The following CLEC16A variants were observed in gnomAD, a reference collection of about 807,000 sequenced individuals.
The protein encoded by CLEC16A is protein CLEC16A.
CLEC16A carries 51 observed loss-of-function variants against 109.5 expected under a neutral mutation model. The ratio of observed to expected loss-of-function variants is 0.47; its 90% CI spans 0.37 to 0.59. The LOEUF is 0.59. Ranked by LOEUF, CLEC16A falls within the 20% of genes least tolerant of loss-of-function variation. The pLI, the probability that CLEC16A is intolerant of heterozygous loss-of-function variation, is 0.00. For missense variants in CLEC16A, 1,339 were observed against 1,394.0 expected (o/e 0.96, Z 0.63); for synonymous variants, 673 against 564.2 (o/e 1.19, Z -2.73).
At chr16:11,100,571 G>T (rs760813566) in intron 19 of CLEC16A, among the ~76,000 whole-genome samples, 1 of 152,096 alleles carries the variant, frequency 6.6e-6, no homozygotes, top group African/African-American at 2.4e-5. Flanking sequence ...GACTCACTTG[G>T]GCATTTCCTG....
chr16:11,142,707 A>T (rs921824463), intron 22 of CLEC16A, among the ~76,000 whole-genome samples: 3 of 152,192 alleles, frequency 2.0e-5, no homozygotes, highest in African/African-American at 7.2e-5. Context: ...CCCTTCAGTG[A>T]TGTGAGTTTG....
At chr16:11,100,227 GCAA>G (rs1297783442) in intron 19 of CLEC16A, among the ~76,000 whole-genome samples, 21 of 152,208 alleles carry the variant, frequency 1.4e-4, no homozygotes, top group South Asian at 6.2e-4. Flanking sequence ...GGGGGACTCA[GCAA>G]TTTGGAGCCT....
At chr16:11,019,194 C>G (rs528885785) in intron 11 of CLEC16A, among the ~76,000 whole-genome samples, 2 of 152,304 alleles carry the variant, frequency 1.3e-5, no homozygotes, top group East Asian at 3.9e-4. Flanking sequence ...GTTCCAAAGG[C>G]TGACTGTTTG....
intron 22 of CLEC16A, among the ~76,000 whole-genome samples, chr16:11,161,587 T>C (rs940752089): frequency 4.6e-5 from 7 of 152,288 alleles, no homozygotes; most frequent in South Asian, 2.1e-4. Context: ...TCGAAAGATA[T>C]CTGGGGGTTC....
intron 19 of CLEC16A, among the ~76,000 whole-genome samples, chr16:11,096,137 GT>G (rs1274475262): frequency 6.6e-6 from 1 of 151,870 alleles, no homozygotes; most frequent in Non-Finnish European, 1.5e-5. Flanking sequence ...GAGCCCAGGA[GT>G]TGGAGACCAG....
At chr16:11,135,768 A>C (rs1389772288) in intron 22 of CLEC16A, among the ~76,000 whole-genome samples, 2 of 152,234 alleles carry the variant, frequency 1.3e-5, no homozygotes, top group Non-Finnish European at 2.9e-5. Context: ...GTGGGCCCGC[A>C]GCAGGGCAGC....
chr16:11,001,915 C>T (rs2044692690), intron 10 of CLEC16A, among the ~76,000 whole-genome samples: 1 of 152,234 alleles, frequency 6.6e-6, no homozygotes, highest in Admixed American at 6.5e-5. Context: ...AATTTGACAA[C>T]ACCCACTACA....
Position 11,147,988 on chromosome 16 carries a change from C to T in CLEC16A, c.2642-18400C>T, listed in dbSNP as rs562681297. On this transcript the variant is annotated intron_variant, in intron 22 of 23. Transcript: ENST00000409790. ...TTTCTTTTTGACTTTGAGAAAAAAA[C>T]TCTGTTCTTACTGGTAAAATAGCCT... Among the ~76,000 whole-genome samples, 94 of 152,290 alleles carry T rather than the reference C, an allele frequency of 6.2e-4. 1 individual carries two copies. The highest frequency in any genetic ancestry group is 1.0e-3 in the Non-Finnish European group (69 of 68,036).
intron 16 of CLEC16A, among the ~76,000 whole-genome samples, chr16:11,044,795 G>T (rs2047546019): frequency 1.3e-5 from 2 of 151,698 alleles, no homozygotes; most frequent in Admixed American, 1.3e-4. Context: ...GCATGGTGGC[G>T]CATGCGTGTA....
chr16:10,970,194 A>G (rs746301774), intron 4 of CLEC16A, among the ~76,000 whole-genome samples: 9 of 152,186 alleles, frequency 5.9e-5, no homozygotes, highest in Admixed American at 5.2e-4. Flanking sequence ...TCTGCTGACT[A>G]TACAGCTGGC....
At chr16:10,971,419 T>C (rs868458091) in intron 5 of CLEC16A, 189 bp downstream of exon 5, 3 of 485,796 alleles carry the variant, frequency 6.2e-6, no homozygotes, top group South Asian at 1.8e-4. Flanking sequence ...AATCCTTGCC[T>C]TCTCCAGGCA....
At position 11,181,216 on chromosome 16, in the gene CLEC16A, C is replaced by T. The variant is rs2068945980; in HGVS notation, c.*2526C>T. On this transcript the variant is annotated 3_prime_UTR_variant, in exon 24 of 24. Transcript: ENST00000409790. ...GCGGCAGTGGGCACAGCTATGTCTTCAGGAGCTCCCGTCAAACCTCATAGC... is the reference window on the plus strand; with the variant it reads ...GCGGCAGTGGGCACAGCTATGTCTTTAGGAGCTCCCGTCAAACCTCATAGC... 6.6e-6 allele frequency: 1 copy of T among 152,390 alleles called. No individual in the cohort carries two copies. Among genetic ancestry groups the T allele is most frequent in the Non-Finnish European group, 1.5e-5 (1 of 68,158 alleles). The allele number at this position is 152,390 out of a possible 1,614,324, so 9.4% of individuals were successfully genotyped here.
intron 13 of CLEC16A, among the ~76,000 whole-genome samples, chr16:11,030,641 G>T (rs1265794551): frequency 1.3e-5 from 2 of 152,074 alleles, no homozygotes; most frequent in African/African-American, 4.8e-5. Context: ...AGACTTTTGG[G>T]TTTTTTTGTT....
chr16:10,944,746 GC>G lies in CLEC16A; in HGVS notation c.30del (p.Gly12AlafsTer22), dbSNP rs781555237. On this transcript the variant is annotated frameshift_variant, in exon 1 of 24. Coordinates refer to ENST00000409790, the MANE Select transcript of CLEC16A (RefSeq NM_015226.3). LOFTEE classifies it high-confidence loss of function. The stretch of plus-strand genomic sequence containing the variant: ...TTTGGCCGCTCGCGGAGCTGGGTGG[GC>G]GGGGGCCATGGCAAGACTTCCCGCA... MFGRSRSWV[G>X]GGHGKTSRNI... The G allele has an allele frequency of 3.7e-6, 6 of 1,609,460 alleles. No homozygotes were observed. The highest frequency in any genetic ancestry group is 8.5e-7 in the Non-Finnish European group (1 of 1,178,832).
Position 11,024,930 on chromosome 16 carries a change from C to G in CLEC16A, c.1537+9C>G, listed in dbSNP as rs199608595. The G allele has an allele frequency of 2.5e-6, 4 of 1,580,942 alleles. No individual in the cohort carries two copies. Among genetic ancestry groups the G allele is most frequent in the South Asian group, 2.3e-5 (2 of 87,430 alleles). On this transcript the variant is annotated intron_variant, in intron 13 of 23. Transcript: ENST00000409790. ...CATGTCTCATAATAAAGGTAAGCAC[C>G]CTTGCCTTGCCTGACTTCCTTGCTG... is the stretch of plus-strand genomic sequence containing the variant.
intron 22 of CLEC16A, among the ~76,000 whole-genome samples, chr16:11,146,990 G>A (rs2054088076): frequency 6.6e-6 from 1 of 152,112 alleles, no homozygotes; most frequent in Non-Finnish European, 1.5e-5. Flanking sequence ...TCCAGTAAGG[G>A]GATCTGACCC....
At position 11,178,603 on chromosome 16, in the gene CLEC16A, C is replaced by G. The variant is rs1225231375; in HGVS notation, c.3075C>G (p.Pro1025=). 1.9e-6 allele frequency: 3 copies of G among 1,606,980 alleles called. No homozygotes were observed. The highest frequency in any genetic ancestry group is 1.7e-6 in the Non-Finnish European group (2 of 1,178,880). Residue 1025 remains proline (P), a synonymous_variant, in exon 24 of 24, where the codon CCC becomes CCG. Coordinates refer to ENST00000409790, the MANE Select transcript of CLEC16A (RefSeq NM_015226.3). The surrounding 1 kb of genome is among the most constrained non-coding windows in gnomAD (Gnocchi z 6.5). ...PHSLRSLTGM[P]PLSTPAAACT... ...GCCTCCGCAGCCTCACCGGCATGCC[C>G]CCGCTGTCCACGCCGGCTGCCGCCT...
rs7199148 is a variant in CLEC16A at position 11,074,515 on chromosome 16, T to G, written c.2116+13493T>G. Among the ~76,000 whole-genome samples, 1,063 of 152,332 alleles carry G rather than the reference T, an allele frequency of 7.0e-3. 19 individuals carry two copies. Among genetic ancestry groups the G allele is most frequent in the African/African-American group, 0.024 (1,013 of 41,580 alleles). The stretch of plus-strand genomic sequence containing the variant: ...TAAAGGAGAGGGTGATGTAGCTGTT[T>G]CCTGTGTATTGATTATTTGATTGGT... On this transcript the variant is annotated intron_variant, in intron 19 of 23. Coordinates refer to ENST00000409790, the MANE Select transcript of CLEC16A (RefSeq NM_015226.3).
At chr16:10,962,724 T>A in intron 3 of CLEC16A, 136 bp downstream of exon 3, 1 of 954,320 alleles carries the variant, frequency 1.0e-6, no homozygotes, top group Non-Finnish European at 1.6e-6. Context: ...CTGAGTGGGT[T>A]AAACAATAGA....
Sources: gnomAD v4.1 joint callset for allele counts (sites outside exome capture counted in the v4.1 genomes callset) on GRCh38, gnomAD v4.1.1 for gene constraint, Gnocchi (gnomAD v3.1) non-coding constraint, MANE v1.5 for transcripts, NCBI Gene and HGNC (gene_info 2026-07-23, HGNC 2026-07-21) for gene names.